Variants in RASAL2 observed in about 807,000 individuals in gnomAD.
RASAL2 encodes ras GTPase-activating protein nGAP.
A neutral mutation model predicts 128.9 loss-of-function variants in RASAL2; 58 were observed. The observed-to-expected ratio is 0.45, with a 90% CI of 0.36 to 0.56. The LOEUF (loss-of-function observed/expected upper bound fraction) is 0.56, where lower values mean the gene tolerates loss of function less well. Among genes scored for constraint, RASAL2 ranks in the 20% least tolerant of loss-of-function variants. The pLI is 0.00. For missense variants in RASAL2, 1,360 were observed against 1,601.6 expected (o/e 0.85, Z 2.57); for synonymous variants, 561 against 580.8 (o/e 0.97, Z 0.49).
intron 4 of RASAL2, among the ~76,000 whole-genome samples, chr1:178,418,616 TTTG>T (rs941723272): frequency 6.6e-6 from 1 of 152,116 alleles, no homozygotes; most frequent in African/African-American, 2.4e-5. Flanking sequence ...TTTGAGTAAG[TTTG>T]TTTTCATTTT....
chr1:178,271,002 ACT>A, intron 1 of RASAL2, among the ~76,000 whole-genome samples: 1 of 152,062 alleles, frequency 6.6e-6, no homozygotes, highest in Middle Eastern at 3.4e-3. Flanking sequence ...TGTGACAATT[ACT>A]CTTTTGTCCA....
At chr1:178,294,963 G>A (rs1235214691) in intron 2 of RASAL2, among the ~76,000 whole-genome samples, 2 of 152,178 alleles carry the variant, frequency 1.3e-5, no homozygotes, top group Non-Finnish European at 2.9e-5. Flanking sequence ...TAGTGGTCAT[G>A]TTGAGCAATG....
chr1:178,280,013 C>T (rs1054656172), intron 1 of RASAL2, among the ~76,000 whole-genome samples: 9 of 152,090 alleles, frequency 5.9e-5, no homozygotes, highest in Admixed American at 2.0e-4. Flanking sequence ...GAAAGATGCA[C>T]TCAAAGGACA....
chr1:178,268,392 C>T lies in RASAL2; in HGVS notation c.203-15172C>T, dbSNP rs181435593. ...CTGAGGCAGGAGAATTGCTTGAACC[C>T]GGGAGGCAGAGGTTGCAGTGAGCCG... On this transcript the variant is annotated intron_variant, in intron 1 of 17. Transcript: ENST00000367649. Among the ~76,000 whole-genome samples the T allele has an allele frequency of 5.6e-3, 853 of 151,882 alleles. 11 individuals carry two copies. Among genetic ancestry groups the T allele is most frequent in the African/African-American group, 0.019 (794 of 41,402 alleles).
intron 5 of RASAL2, among the ~76,000 whole-genome samples, chr1:178,426,119 A>G (rs548503969): frequency 3.2e-4 from 48 of 152,260 alleles, no homozygotes; most frequent in African/African-American, 1.1e-3. Flanking sequence ...TTTGCCTATT[A>G]AAATCCCAGC....
chr1:178,215,793 A>G (rs924708478), intron 1 of RASAL2, among the ~76,000 whole-genome samples: 5 of 152,198 alleles, frequency 3.3e-5, no homozygotes, highest in Admixed American at 6.5e-5. Flanking sequence ...AGACACAAAG[A>G]ATTATCACTG....
In RASAL2 at chr1:178,289,382, T is replaced by A. The variant is rs193199923; in HGVS notation, c.330+5691T>A. Among the ~76,000 whole-genome samples the A allele has an allele frequency of 7.9e-4, 120 of 152,284 alleles. 1 individual carries two copies. Among genetic ancestry groups the A allele is most frequent in the African/African-American group, 2.2e-3 (90 of 41,558 alleles). ...CTTAACATGGAAGCGCCATGGGACCTTATTTCCTTAGGGATCTCATCTCAT... is the reference window on the plus strand; with the variant it reads ...CTTAACATGGAAGCGCCATGGGACCATATTTCCTTAGGGATCTCATCTCAT... On this transcript the variant is annotated intron_variant, in intron 2 of 17. Coordinates refer to ENST00000367649, the MANE Select transcript of RASAL2 (RefSeq NM_170692.4).
chr1:178,224,586 T>C (rs1252945410), intron 1 of RASAL2, among the ~76,000 whole-genome samples: 1 of 152,188 alleles, frequency 6.6e-6, no homozygotes, highest in Non-Finnish European at 1.5e-5. Flanking sequence ...TTAATATAAA[T>C]GAGTTCTATT....
At chr1:178,131,733 G>T (rs1006805292) in intron 1 of RASAL2, among the ~76,000 whole-genome samples, 4 of 152,088 alleles carry the variant, frequency 2.6e-5, no homozygotes, top group Non-Finnish European at 5.9e-5. Flanking sequence ...GAAGTAAAAT[G>T]ATGTTAATTT....
intron 3 of RASAL2, among the ~76,000 whole-genome samples, chr1:178,335,070 A>G (rs1490572821): frequency 1.3e-5 from 2 of 152,186 alleles, no homozygotes; most frequent in African/African-American, 4.8e-5. Context: ...ATAATTGAAT[A>G]AAAGAGTTTT....
At chr1:178,373,574 C>T (rs1184299855) in intron 3 of RASAL2, among the ~76,000 whole-genome samples, 1 of 151,912 alleles carries the variant, frequency 6.6e-6, no homozygotes, top group African/African-American at 2.4e-5. Context: ...TCTACTACAT[C>T]ATGGGAAAGG....
At position 178,454,786 on chromosome 1, in the gene RASAL2, T is replaced by C. The variant is rs1356199599; in HGVS notation, c.2211+138T>C. 91 of 658,728 alleles carry C rather than the reference T, an allele frequency of 1.4e-4. No individual in the cohort carries two copies. The South Asian group carries it at 1.9e-3, about 14-fold the overall frequency. The allele number at this position is 658,728 out of a possible 1,614,324, so 40.8% of individuals were successfully genotyped here. A position where few individuals can be genotyped will look rare whatever the true frequency, so the allele number is the denominator to read the frequency against. Reference sequence around the variant, plus strand: ...GAAATCTGAGAGTAAATGGTCATCATTTCTGAGTAAAATATGAGATCGACA... The same window carrying C: ...GAAATCTGAGAGTAAATGGTCATCACTTCTGAGTAAAATATGAGATCGACA... On this transcript the variant is annotated intron_variant, in intron 12 of 17. Transcript: ENST00000367649.
chr1:178,397,758 A>G (rs555837037), intron 4 of RASAL2, among the ~76,000 whole-genome samples: 31 of 150,468 alleles, frequency 2.1e-4, no homozygotes, highest in African/African-American at 7.4e-4. Context: ...AGCGCATGGC[A>G]CTGTACCTGG....
intron 1 of RASAL2, chr1:178,194,692 C>G (rs1011122723): frequency 2.8e-5 from 5 of 178,346 alleles, no homozygotes; most frequent in Admixed American, 5.2e-5. Flanking sequence ...TACTAGCAGT[C>G]TATTTGGTTT....
chr1:178,266,083 T>A (rs573429537), intron 1 of RASAL2, among the ~76,000 whole-genome samples: 4 of 152,256 alleles, frequency 2.6e-5, no homozygotes, highest in African/African-American at 4.8e-5. Context: ...ACATGTCTTT[T>A]GACTAAAACA....
At chr1:178,434,885 A>C (rs1676155194) in intron 5 of RASAL2, among the ~76,000 whole-genome samples, 1 of 152,110 alleles carries the variant, frequency 6.6e-6, no homozygotes, top group African/African-American at 2.4e-5. Context: ...CCAGGGAGCA[A>C]GTAAAGCTAC....
intron 1 of RASAL2, among the ~76,000 whole-genome samples, chr1:178,109,885 GC>G (rs1337563136): frequency 1.3e-5 from 2 of 152,192 alleles, no homozygotes; most frequent in Admixed American, 6.5e-5. Flanking sequence ...AGGTGTTGTG[GC>G]CCGCACTTGT....
intron 14 of RASAL2, among the ~76,000 whole-genome samples, chr1:178,459,585 C>T: frequency 6.6e-6 from 1 of 152,162 alleles, no homozygotes; most frequent in East Asian, 1.9e-4. Flanking sequence ...AGTTTAGGCA[C>T]TTACCTATAT....
chr1:178,315,634 GTTGT>G (rs1287104521), intron 3 of RASAL2, among the ~76,000 whole-genome samples: 14 of 141,974 alleles, frequency 9.9e-5, no homozygotes, highest in African/African-American at 3.7e-4. Context: ...TTTTGATGGG[GTTGT>G]TTGTTTTTTT....
Sources: allele counts gnomAD v4.1 joint callset (sites outside exome capture counted in the v4.1 genomes callset), GRCh38; gene constraint gnomAD v4.1.1; transcripts MANE v1.5; gene names NCBI Gene and HGNC (gene_info 2026-07-23, HGNC 2026-07-21).